The following ANKRD44 variants were observed in gnomAD, a reference collection of about 807,000 sequenced individuals.
ANKRD44 encodes the protein ankyrin repeat domain 44.
In ANKRD44, 35 loss-of-function variants were observed where a neutral mutation model predicts 116.0. The ratio of observed to expected loss-of-function variants is 0.30; its 90% confidence interval spans 0.23 to 0.40. ANKRD44 has a LOEUF of 0.40. ANKRD44 is among the 10% of genes least tolerant of loss of function. The probability of loss-of-function intolerance (pLI) is 1.00; values close to 1 mark genes in which losing one functional copy is unlikely to be tolerated. For missense variants in ANKRD44, 1,014 were observed against 1,242.6 expected, an observed-to-expected ratio of 0.82 and a Z score of 2.77; for synonymous variants, 435 against 461.8, an observed-to-expected ratio of 0.94 and a Z score of 0.74.
At chr2:197,294,160 A>T (rs2083649675) in intron 1 of ANKRD44, among the ~76,000 whole-genome samples, 1 of 152,210 alleles carries the variant, frequency 6.6e-6, no homozygotes, top group Non-Finnish European at 1.5e-5. Flanking sequence ...AAAATGCTGG[A>T]GGTCCCAGAC....
At chr2:197,013,328 GAAC>G (rs1285120836) in intron 18 of ANKRD44, among the ~76,000 whole-genome samples, 180 bp downstream of exon 18, 1 of 152,184 alleles carries the variant, frequency 6.6e-6, no homozygotes, top group Non-Finnish European at 1.5e-5. Flanking sequence ...CCTGGCCAGA[GAAC>G]ACCAATCACC....
At chr2:197,074,322 T>C (rs1278575145) in intron 16 of ANKRD44, among the ~76,000 whole-genome samples, 1 of 152,222 alleles carries the variant, frequency 6.6e-6, no homozygotes, top group Non-Finnish European at 1.5e-5. Context: ...AAAACAATCA[T>C]CAGAGACTTG....
intron 1 of ANKRD44, among the ~76,000 whole-genome samples, chr2:197,243,720 C>T (rs1559179543): frequency 2.0e-5 from 3 of 152,198 alleles, no homozygotes; most frequent in Non-Finnish European, 1.5e-5. Flanking sequence ...GCTGTGCCCT[C>T]ATGTGGCAGA....
intron 1 of ANKRD44, among the ~76,000 whole-genome samples, chr2:197,265,569 A>G (rs987775525): frequency 2.0e-5 from 3 of 152,122 alleles, no homozygotes; most frequent in African/African-American, 7.2e-5. Flanking sequence ...TTAAAAATGA[A>G]GTTGTGGGCT....
chr2:197,134,968 T>G (rs2079183696), intron 4 of ANKRD44: 1 of 152,130 alleles, frequency 6.6e-6, no homozygotes, highest in Non-Finnish European at 1.5e-5. Flanking sequence ...GGAAATAAAA[T>G]GTGGGACCAT....
At chr2:197,183,967 AT>A (rs2080582946) in intron 2 of ANKRD44, among the ~76,000 whole-genome samples, 1 of 151,906 alleles carries the variant, frequency 6.6e-6, no homozygotes, top group Non-Finnish European at 1.5e-5. Flanking sequence ...AGCATCCCGG[AT>A]TTTTTCTTTC....
chr2:197,309,606 G>A (rs143931271), intron 1 of ANKRD44, among the ~76,000 whole-genome samples: 189 of 152,282 alleles, frequency 1.2e-3, no homozygotes, highest in Non-Finnish European at 2.2e-3. Flanking sequence ...TGTAGTCAAA[G>A]TCAAGATTGC....
At chr2:197,175,020 T>G (rs1365931469) in intron 2 of ANKRD44, among the ~76,000 whole-genome samples, 3 of 152,224 alleles carry the variant, frequency 2.0e-5, no homozygotes, top group Non-Finnish European at 2.9e-5. Context: ...TATGGCAAAG[T>G]GTTAACATTT....
intron 1 of ANKRD44, among the ~76,000 whole-genome samples, chr2:197,213,320 T>C (rs927712948): frequency 1.2e-4 from 19 of 152,216 alleles, no homozygotes; most frequent in African/African-American, 4.6e-4. Context: ...ACAATGTTAT[T>C]TTTGGCATAT....
At chr2:196,995,228 G>A (rs1335412431) in intron 26 of ANKRD44, 151 bp downstream of exon 26, 2 of 442,404 alleles carry the variant, frequency 4.5e-6, no homozygotes, top group African/African-American at 4.0e-5. Flanking sequence ...TTGTAGGTAT[G>A]TGACTGTCAC....
chr2:197,264,080 T>A (rs2082680315), intron 1 of ANKRD44, among the ~76,000 whole-genome samples: 1 of 152,076 alleles, frequency 6.6e-6, no homozygotes, highest in Non-Finnish European at 1.5e-5. Context: ...CATAGTGAGA[T>A]CATGTTTCTT....
At chr2:197,010,113 A>C (rs1444149269) in intron 18 of ANKRD44, among the ~76,000 whole-genome samples, 1 of 152,038 alleles carries the variant, frequency 6.6e-6, no homozygotes, top group Admixed American at 6.5e-5. Flanking sequence ...GACGGTCAGA[A>C]GGGAAGGGAG....
At chr2:197,078,653 G>A (rs374385205) in intron 16 of ANKRD44, 50 bp downstream of exon 16, 482 of 1,597,010 alleles carry the variant, frequency 3.0e-4, no homozygotes, top group Non-Finnish European at 3.8e-4. Flanking sequence ...TCTGTGATTT[G>A]GGGTATGTGT....
At chr2:197,284,882 T>C (rs1394909305) in intron 1 of ANKRD44, among the ~76,000 whole-genome samples, 1 of 111,074 alleles carries the variant, frequency 9.0e-6, no homozygotes, top group East Asian at 3.1e-4. Flanking sequence ...CAAGACTCCA[T>C]CTCAAAAAAA....
chr2:197,222,099 GAAAT>G (rs1349073669), intron 1 of ANKRD44, among the ~76,000 whole-genome samples: 2 of 152,200 alleles, frequency 1.3e-5, no homozygotes, highest in Non-Finnish European at 2.9e-5. Context: ...AGGAAAAGGA[GAAAT>G]AAATAAAGGT....
At position 197,219,662 on chromosome 2, in the gene ANKRD44, G is replaced by A. The variant is rs138232243; in HGVS notation, c.28-32556C>T. Among the ~76,000 whole-genome samples the A allele has an allele frequency of 2.9e-4, 44 of 152,270 alleles. 1 individual carries two copies. Among genetic ancestry groups the A allele is most frequent in the African/African-American group, 9.6e-4 (40 of 41,552 alleles). ...AAAGCAGACGGGACCCCAATGAAAGGTTCCCGAGGACAATCATGGTCTGCA... is the reference window on the plus strand; with the variant it reads ...AAAGCAGACGGGACCCCAATGAAAGATTCCCGAGGACAATCATGGTCTGCA... On this transcript the variant is annotated intron_variant, in intron 1 of 27. Coordinates refer to ENST00000282272, the MANE Select transcript of ANKRD44 (RefSeq NM_001195144.2).
chr2:197,000,265 G>T (rs1481015061), intron 23 of ANKRD44, among the ~76,000 whole-genome samples, 154 bp downstream of exon 23: 1 of 152,076 alleles, frequency 6.6e-6, no homozygotes, highest in East Asian at 1.9e-4. Flanking sequence ...GGCTTAGAGG[G>T]AAATTTATTT....
chr2:197,060,982 T>C (rs2077300315), intron 16 of ANKRD44, among the ~76,000 whole-genome samples: 1 of 152,210 alleles, frequency 6.6e-6, no homozygotes, highest in Non-Finnish European at 1.5e-5. Context: ...AGTGCTGCAG[T>C]GAACATGAGA....
intron 2 of ANKRD44, among the ~76,000 whole-genome samples, 174 bp downstream of exon 2, chr2:197,186,849 T>G (rs931306773): frequency 2.6e-5 from 4 of 152,072 alleles, no homozygotes; most frequent in Non-Finnish European, 4.4e-5. Flanking sequence ...CAATAACTGA[T>G]TTCCATTGTA....
Sources: gnomAD v4.1 joint callset for allele counts (sites outside exome capture counted in the v4.1 genomes callset) on GRCh38, gnomAD v4.1.1 for gene constraint, MANE v1.5 for transcripts, NCBI Gene and HGNC (gene_info 2026-07-23, HGNC 2026-07-21) for gene names.